The following RBM18 variants were observed in gnomAD, a reference collection of about 807,000 sequenced individuals.
RBM18 encodes probable RNA-binding protein 18.
Under a neutral mutation model 26.4 loss-of-function variants are expected in RBM18, and 18 were observed. The observed-to-expected ratio is 0.68, with a 90% CI of 0.47 to 1.01. The LOEUF (loss-of-function observed/expected upper bound fraction) is 1.01, where lower values mean the gene tolerates loss of function less well. Ranked by LOEUF, RBM18 falls within the 50% of genes least tolerant of loss-of-function variation. The probability of loss-of-function intolerance (pLI) is 0.00; values close to 1 mark genes in which losing one functional copy is unlikely to be tolerated. For synonymous variants in RBM18, 74 were observed against 81.1 expected, an observed-to-expected ratio of 0.91 and a Z score of 0.47; for missense variants, 180 against 219.2, an observed-to-expected ratio of 0.82 and a Z score of 1.13.
intron 5 of RBM18, among the ~76,000 whole-genome samples, chr9:122,243,310 G>A (rs1831454712): frequency 6.6e-6 from 1 of 152,128 alleles, no homozygotes; most frequent in South Asian, 2.1e-4. Context: ...GGCTCTACAT[G>A]GGTTATCATG....
intron 2 of RBM18, chr9:122,254,422 C>T: frequency 3.1e-6 from 1 of 325,802 alleles, no homozygotes; most frequent in Non-Finnish European, 4.4e-6. Context: ...ATGGGGACTG[C>T]AGGCTCTGAT....
Position 122,243,242 on chromosome 9 carries a change from G to A in RBM18, c.414-1199C>T, listed in dbSNP as rs536968014. 5.9e-5 allele frequency among the ~76,000 whole-genome samples: 9 copies of A among 152,288 alleles called. No homozygotes were observed. The South Asian group carries it at 1.9e-3, about 32-fold the overall frequency. On this transcript the variant is annotated intron_variant, in intron 5 of 5. Coordinates refer to ENST00000417201, the MANE Select transcript of RBM18 (RefSeq NM_033117.4). Reference sequence around the variant, plus strand: ...CTGCCTCAGCCTCCCTAAATGCTGGGATTACAGGCATGAGCCACTGCACTC... The same window carrying A: ...CTGCCTCAGCCTCCCTAAATGCTGGAATTACAGGCATGAGCCACTGCACTC...
intron 5 of RBM18, 97 bp from the exon 6 acceptor site, chr9:122,242,140 C>T (rs886991056): frequency 4.1e-5 from 48 of 1,157,926 alleles, no homozygotes; most frequent in African/African-American, 1.1e-4. Context: ...ATATTAGAGA[C>T]GCAACAAGAT....
intron 4 of RBM18, 21 bp downstream of exon 4, chr9:122,247,497 T>C (rs1831523027): frequency 1.2e-6 from 2 of 1,602,186 alleles, no homozygotes; most frequent in Non-Finnish European, 1.7e-6. Flanking sequence ...GCTTGATGTC[T>C]TTCTAGCCTC....
intron 3 of RBM18, among the ~76,000 whole-genome samples, chr9:122,250,847 T>C (rs1185472111): frequency 6.6e-6 from 1 of 151,914 alleles, no homozygotes; most frequent in Admixed American, 6.6e-5. Context: ...CAGTTATCTA[T>C]ATTTTCATCT....
chr9:122,250,455 G>C (rs1353773759), intron 3 of RBM18, among the ~76,000 whole-genome samples: 1 of 152,142 alleles, frequency 6.6e-6, no homozygotes, highest in African/African-American at 2.4e-5. Context: ...TTGGGGACTA[G>C]TCAAATATGA....
chr9:122,242,978 C>T (rs1226247062), intron 5 of RBM18, among the ~76,000 whole-genome samples: 2 of 152,134 alleles, frequency 1.3e-5, no homozygotes, highest in South Asian at 2.1e-4. Context: ...AGGTAGCAAG[C>T]GCCACCACGC....
chr9:122,249,882 G>A (rs567322380), intron 3 of RBM18, among the ~76,000 whole-genome samples: 11 of 151,648 alleles, frequency 7.3e-5, no homozygotes, highest in Non-Finnish European at 7.4e-5. Flanking sequence ...GCCAGCCTGG[G>A]CAACATGGTG....
intron 3 of RBM18, among the ~76,000 whole-genome samples, 187 bp from the exon 4 acceptor site, chr9:122,247,791 T>G (rs974997153): frequency 3.3e-5 from 5 of 149,722 alleles, no homozygotes; most frequent in African/African-American, 1.2e-4. Flanking sequence ...TGTTGTTTTT[T>G]TTTTTTTTTT....
intron 5 of RBM18, among the ~76,000 whole-genome samples, chr9:122,242,252 A>G (rs1831433521): frequency 6.6e-6 from 1 of 152,238 alleles, no homozygotes; most frequent in Non-Finnish European, 1.5e-5. Context: ...TAAGTTTTTA[A>G]CATAAGCCTG....
intron 4 of RBM18, 76 bp from the exon 5 acceptor site, chr9:122,245,417 C>T: frequency 2.4e-6 from 2 of 829,364 alleles, no homozygotes; most frequent in South Asian, 2.8e-5. Flanking sequence ...GGTTCAGAAA[C>T]TAATACCATC....
chr9:122,259,693 T>A (rs1831754704), intron 2 of RBM18, among the ~76,000 whole-genome samples: 1 of 152,166 alleles, frequency 6.6e-6, no homozygotes, highest in Non-Finnish European at 1.5e-5. Context: ...CATCTCATAC[T>A]CAAAGAAGCA....
At chr9:122,253,719 T>C (rs946936925) in intron 2 of RBM18, among the ~76,000 whole-genome samples, 2 of 147,288 alleles carry the variant, frequency 1.4e-5, no homozygotes, top group African/African-American at 5.0e-5. Flanking sequence ...AAACCTATTC[T>C]TAAAAAAAAA....
rs1218975807 is a variant in RBM18 at position 122,241,399 on chromosome 9, C to T, written c.*485G>A. 6.5e-6 allele frequency: 1 copy of T among 152,786 alleles called. No individual in the cohort carries two copies. The highest frequency in any genetic ancestry group is 1.5e-5 in the Non-Finnish European group (1 of 68,182). The allele number at this position is 152,786 out of a possible 1,614,324, so 9.5% of individuals were successfully genotyped here. ...TTTTCAGTCCAGTTGGAGGGATTGC[C>T]GTAGTAAATTCTGGAACAACAGTTC... On this transcript the variant is annotated 3_prime_UTR_variant, in exon 6 of 6. Transcript: ENST00000417201.
Position 122,256,458 on chromosome 9 carries a change from C to T in RBM18, c.114-4485G>A, listed in dbSNP as rs372118934. 5.9e-5 allele frequency among the ~76,000 whole-genome samples: 9 copies of T among 152,186 alleles called. No individual in the cohort carries two copies. In the East Asian group the frequency reaches 7.7e-4, roughly 13 times the overall value. ...ACATCTAATACTTGTAAAAGAAAGT[C>T]GGTATTATCCCTTTTAGAAAGAAAA... On this transcript the variant is annotated intron_variant, in intron 2 of 5. Coordinates refer to ENST00000417201, the MANE Select transcript of RBM18 (RefSeq NM_033117.4).
chr9:122,261,274 T>C, intron 2 of RBM18, 106 bp downstream of exon 2: 2 of 746,900 alleles, frequency 2.7e-6, no homozygotes, highest in Admixed American at 4.5e-5. Flanking sequence ...ACGATGTAAG[T>C]AAAAGGGTCT....
intron 2 of RBM18, among the ~76,000 whole-genome samples, chr9:122,253,739 AT>A (rs1296721681): frequency 3.3e-5 from 5 of 150,290 alleles, no homozygotes; most frequent in Admixed American, 6.6e-5. Context: ...AAAAAAAAAA[AT>A]CTAGGCCAGG....
intron 3 of RBM18, among the ~76,000 whole-genome samples, chr9:122,251,266 G>A (rs543377270): frequency 1.3e-5 from 2 of 152,054 alleles, no homozygotes; most frequent in South Asian, 2.1e-4. Context: ...AGTACTATGC[G>A]GCATCTCTAC....
At chr9:122,250,668 C>T (rs939656264) in intron 3 of RBM18, among the ~76,000 whole-genome samples, 1 of 152,028 alleles carries the variant, frequency 6.6e-6, no homozygotes, top group Non-Finnish European at 1.5e-5. Context: ...TTTTAGTATA[C>T]TTTGAATGAT....
Sources: gnomAD v4.1 joint callset for allele counts (sites outside exome capture counted in the v4.1 genomes callset) on GRCh38, gnomAD v4.1.1 for gene constraint, MANE v1.5 for transcripts, NCBI Gene and HGNC (gene_info 2026-07-23, HGNC 2026-07-21) for gene names.